PRSS22: variants seen among roughly 807,000 people sequenced by gnomAD.
PRSS22 encodes the protein serine protease 22.
Under a neutral mutation model 28.0 loss-of-function variants are expected in PRSS22, and 26 were observed. The ratio of observed to expected loss-of-function variants is 0.93; its 90% CI spans 0.68 to 1.29. The LOEUF (loss-of-function observed/expected upper bound fraction) is 1.29. Among genes scored for constraint, PRSS22 ranks in the 50% most tolerant of loss-of-function variants. The pLI, the probability that PRSS22 is intolerant of heterozygous loss-of-function variation, is 0.00. For missense variants in PRSS22, 444 were observed against 422.1 expected, an observed-to-expected ratio of 1.05 and a Z score of -0.46; for synonymous variants, 217 against 177.9, an observed-to-expected ratio of 1.22 and a Z score of -1.75.
In PRSS22 at chr16:2,856,168, C is replaced by T. The variant is rs2069454018; in HGVS notation, c.195G>A (p.Val65=). Residue 65 remains valine, a synonymous_variant, in exon 3 of 6, where the codon GTG becomes GTA. Coordinates refer to ENST00000161006, the MANE Select transcript of PRSS22 (RefSeq NM_022119.4). The part of the protein sequence containing the change: ...DSTDSEWPWI[V]SIQKNGTHHC... ...GGTGGGTCCCATTCTTCTGGATGCT[C>T]ACGATCCAGGGCCACTCGCTGTCAG... 3.1e-6 allele frequency: 5 copies of T among 1,613,924 alleles called. No individual in the cohort carries two copies. The highest frequency in any genetic ancestry group is 2.7e-5 in the African/African-American group (2 of 74,998).
chr16:2,853,787 G>A lies in PRSS22; in HGVS notation c.717+78C>T. ...GAGGAGGCCAGGGAGAGGTTGTGGG[G>A]CTCAGTGGGGACAGGACTGACGCTG... On this transcript the variant is annotated intron_variant, in intron 5 of 5. Transcript: ENST00000161006. This position sits in a 1 kb window ranked among gnomAD's most constrained non-coding sequence, Gnocchi z 4.6. 5 of 1,518,800 alleles carry A rather than the reference G, an allele frequency of 3.3e-6. No homozygotes were observed. Among genetic ancestry groups the A allele is most frequent in the Non-Finnish European group, 1.8e-6 (2 of 1,118,328 alleles). 94.1% of individuals were successfully genotyped at this position (1,518,800 alleles called of 1,614,324 possible).
In PRSS22 at chr16:2,856,832, G is replaced by A. The variant is rs1402576349; in HGVS notation, c.99C>T (p.Ala33=). The stretch of plus-strand genomic sequence containing the variant: ...GCCAGCTCCACTCACCAGGTATCCT[G>A]GCCGCATTGAGGATGGCTGAGGGCA... The part of the protein sequence containing the change: ...LLASTAILNA[A]RIPVPPACGK... Residue 33 remains alanine (A), a synonymous_variant, in exon 2 of 6, where the codon GCC becomes GCT. Transcript: ENST00000161006. 5.8e-6 allele frequency: 9 copies of A among 1,551,964 alleles called. No individual in the cohort carries two copies. Among genetic ancestry groups the A allele is most frequent in the Non-Finnish European group, 7.8e-6 (9 of 1,147,120 alleles).
In PRSS22 at chr16:2,856,742, C is replaced by A; in HGVS notation, c.109+80G>T. 2.0e-6 allele frequency: 3 copies of A among 1,506,280 alleles called. No individual in the cohort carries two copies. In the African/African-American group the frequency reaches 4.2e-5, roughly 21 times the overall value. 93.3% of individuals were successfully genotyped at this position (1,506,280 alleles called of 1,614,324 possible). On this transcript the variant is annotated intron_variant, in intron 2 of 5. Coordinates refer to ENST00000161006, the MANE Select transcript of PRSS22 (RefSeq NM_022119.4). ...CCCCAGCCCCTTTCTGACCTGTGCC[C>A]AGGGGACGGACACATAGACACTGCC...
Position 2,855,696 on chromosome 16 carries a change from C to A in PRSS22, c.437G>T (p.Arg146Leu). 1.9e-6 allele frequency: 3 copies of A among 1,614,222 alleles called. No individual in the cohort carries two copies. The highest frequency in any genetic ancestry group is 2.5e-6 in the Non-Finnish European group (3 of 1,180,052). Residue 146 changes from arginine (R) to leucine (L), a missense_variant, in exon 4 of 6, where the codon CGT becomes CTT. Transcript: ENST00000161006. ...TGAGAACTGTATGGAGCGCTCGAGACGCACCAGGGCAATGTCTGCACAGGC... is the reference window on the plus strand; with the variant it reads ...TGAGAACTGTATGGAGCGCTCGAGAAGCACCAGGGCAATGTCTGCACAGGC... ...EGACADIALVRLERSIQFSER... is the reference protein window; with the variant it reads ...EGACADIALVLLERSIQFSER...
chr16:2,856,457 C>A (rs1232672738), intron 2 of PRSS22, among the ~76,000 whole-genome samples: 2 of 152,038 alleles, frequency 1.3e-5, no homozygotes, highest in Non-Finnish European at 2.9e-5. Context: ...TCCACCCATA[C>A]CCCAAGCTCC....
chr16:2,853,314 G>C lies in PRSS22; in HGVS notation c.733C>G (p.Pro245Ala). Residue 245 changes from proline (P) to alanine (A), a missense_variant, in exon 6 of 6, where the codon CCC becomes GCC. Pro to Ala is a conservative substitution (Grantham distance 27). Coordinates refer to ENST00000161006, the MANE Select transcript of PRSS22 (RefSeq NM_022119.4). This position sits in a 1 kb window ranked among gnomAD's most constrained non-coding sequence, Gnocchi z 4.6. ...GCGCCGTCCACCTGGCACATGAGGGGGCCCCCGGAGTCGCCCTGCAGAGAG... is the reference window on the plus strand; with the variant it reads ...GCGCCGTCCACCTGGCACATGAGGGCGCCCCCGGAGTCGCCCTGCAGAGAG... ...RDACLGDSGG[P>A]LMCQVDGAWL... The C allele has an allele frequency of 6.3e-7, 1 of 1,597,194 alleles. No homozygotes were observed.
chr16:2,855,634 T>G lies in PRSS22; in HGVS notation c.499A>C (p.Ile167Leu). 1 of 1,614,016 alleles carries G rather than the reference T, an allele frequency of 6.2e-7. No homozygotes were observed. Residue 167 changes from isoleucine (I) to leucine (L), a missense_variant, in exon 4 of 6, where the codon ATC (isoleucine) becomes CTC (leucine). Coordinates refer to ENST00000161006, the MANE Select transcript of PRSS22 (RefSeq NM_022119.4). ...CAGTGGGTGTTTGGAGGGAGGTGGA[T>G]AGAGGCATCAGGTAGGCAGATGGGC... ...VLPICLPDAS[I>L]HLPPNTHCWI...
In PRSS22 at chr16:2,853,398, T is replaced by C. The variant is rs1378781839; in HGVS notation, c.718-69A>G. ...GTGGCAGAATCCAGGGCCCGTGCCC[T>C]GTCAGGGGGCAGATGAGCCCCTTCC... On this transcript the variant is annotated intron_variant, in intron 5 of 5. Coordinates refer to ENST00000161006, the MANE Select transcript of PRSS22 (RefSeq NM_022119.4). The surrounding 1 kb of genome is among the most constrained non-coding windows in gnomAD (Gnocchi z 4.6). The C allele has an allele frequency of 1.1e-4, 146 of 1,316,436 alleles. No homozygotes were observed. Among genetic ancestry groups the C allele is most frequent in the Non-Finnish European group, 1.5e-4 (141 of 951,974 alleles). The allele number at this position is 1,316,436 out of a possible 1,614,324, so 81.5% of individuals were successfully genotyped here. A position where few individuals can be genotyped will look rare whatever the true frequency, so the allele number is the denominator to read the frequency against.
rs33950878 is a variant in PRSS22, at chr16:2,855,347, C to CAAAAAA, written c.559+221_559+226dup. ...TGGGTGACAGAGTAACACCCTGTCT[C>CAAAAAA]AAAAAAAAAAAAAAAAAAAAGAAGA... On this transcript the variant is annotated intron_variant, in intron 4 of 5. Coordinates refer to ENST00000161006, the MANE Select transcript of PRSS22 (RefSeq NM_022119.4). 1.6e-3 allele frequency among the ~76,000 whole-genome samples: 112 copies of CAAAAAA among 69,006 alleles called. 4 individuals carry two copies. Among genetic ancestry groups the CAAAAAA allele is most frequent in the African/African-American group, 6.3e-3 (99 of 15,822 alleles). 45.3% of individuals were successfully genotyped at this position (69,006 alleles called of 152,430 possible).
rs2069414596 is a variant in PRSS22 at position 2,852,750 on chromosome 16, G to C, written c.*343C>G. On this transcript the variant is annotated 3_prime_UTR_variant, in exon 6 of 6. Transcript: ENST00000161006. ...GACACTGGAGAATAAATAATTTATT[G>C]AAATTGGAGGAATAAATAAGATATG... is the stretch of plus-strand genomic sequence containing the variant. 1 of 281,440 alleles carries C rather than the reference G, an allele frequency of 3.6e-6. No individual in the cohort carries two copies. Among genetic ancestry groups the C allele is most frequent in the Admixed American group, 5.2e-5 (1 of 19,392 alleles). 17.4% of individuals were successfully genotyped at this position (281,440 alleles called of 1,614,324 possible).
At position 2,858,157 on chromosome 16, in the gene PRSS22, G is replaced by C. The variant is rs2069481412; in HGVS notation, c.-53C>G. 8.0e-7 allele frequency: 1 copy of C among 1,246,098 alleles called. No individual in the cohort carries two copies. The highest frequency in any genetic ancestry group is 4.2e-5 in the Admixed American group (1 of 24,076). 77.2% of individuals were successfully genotyped at this position (1,246,098 alleles called of 1,614,324 possible). A position where few individuals can be genotyped will look rare whatever the true frequency, so the allele number is the denominator to read the frequency against. ...AGGCTCGAGAGACCCAGGGCGATGC[G>C]GGTCAGGGTGTGTAGGTTCCCTGCA... On this transcript the variant is annotated 5_prime_UTR_variant, in exon 1 of 6. Coordinates refer to ENST00000161006, the MANE Select transcript of PRSS22 (RefSeq NM_022119.4).
At chr16:2,855,270 C>T (rs1195896208) in intron 4 of PRSS22, among the ~76,000 whole-genome samples, 2 of 143,636 alleles carry the variant, frequency 1.4e-5, no homozygotes, top group Non-Finnish European at 3.0e-5. Flanking sequence ...ATCACTTGAG[C>T]CTGGGAGGCA....
rs373862640 is a variant in PRSS22, at chr16:2,852,757, G to A, written c.*336C>T. ...GAGAATAAATAATTTATTGAAATTG[G>A]AGGAATAAATAAGATATGTGGGCAG... On this transcript the variant is annotated 3_prime_UTR_variant, in exon 6 of 6. Transcript: ENST00000161006. The A allele has an allele frequency of 8.9e-5, 27 of 303,168 alleles. No homozygotes were observed. The East Asian group carries it at 1.5e-3, about 17-fold the overall frequency. The allele number at this position is 303,168 out of a possible 1,614,324, so 18.8% of individuals were successfully genotyped here.
Position 2,853,967 on chromosome 16 carries a change from C to T in PRSS22, c.615G>A (p.Ser205=). 1.2e-6 allele frequency: 2 copies of T among 1,614,172 alleles called. No homozygotes were observed. Among genetic ancestry groups the T allele is most frequent in the Non-Finnish European group, 8.5e-7 (1 of 1,180,030 alleles). Residue 205 remains serine, a synonymous_variant, in exon 5 of 6, where the codon TCG becomes TCA. Transcript: ENST00000161006. This position sits in a 1 kb window ranked among gnomAD's most constrained non-coding sequence, Gnocchi z 4.6. ...GCCAGTACAGATGGCTGCAGACTTCCGAGTCGATGATAGGAACCTTCAGCT... is the reference window on the plus strand; with the variant it reads ...GCCAGTACAGATGGCTGCAGACTTCTGAGTCGATGATAGGAACCTTCAGCT... ...LQKLKVPIID[S]EVCSHLYWRG...
At position 2,853,003 on chromosome 16, in the gene PRSS22, G is replaced by T; in HGVS notation, c.*90C>A. On this transcript the variant is annotated 3_prime_UTR_variant, in exon 6 of 6. Coordinates refer to ENST00000161006, the MANE Select transcript of PRSS22 (RefSeq NM_022119.4). The surrounding 1 kb of genome is among the most constrained non-coding windows in gnomAD (Gnocchi z 4.6). ...GTAGAGGTAGATGAGCCTATTTACG[G>T]CGGGGGAAACCGCCCGAGGCCGCCG... 1.2e-6 allele frequency: 1 copy of T among 868,150 alleles called. No individual in the cohort carries two copies. The highest frequency in any genetic ancestry group is 1.7e-6 in the Non-Finnish European group (1 of 588,402). 53.8% of individuals were successfully genotyped at this position (868,150 alleles called of 1,614,324 possible).
At chr16:2,854,051 T>TG in intron 4 of PRSS22, 29 bp from the exon 5 acceptor site, 1 of 1,613,542 alleles carries the variant, frequency 6.2e-7, no homozygotes, top group Non-Finnish European at 8.5e-7. Context: ...GAATCAGGTT[T>TG]GGGGGTCTCC....
intron 2 of PRSS22, 117 bp downstream of exon 2, chr16:2,856,705 T>C: frequency 8.1e-7 from 1 of 1,233,322 alleles, no homozygotes; most frequent in African/African-American, 1.5e-5. Context: ...CTCTAGCTCT[T>C]TCCCCCTCTC....
intron 4 of PRSS22, among the ~76,000 whole-genome samples, chr16:2,854,788 AGAT>A (rs755014380): frequency 6.6e-6 from 1 of 151,894 alleles, no homozygotes; most frequent in Non-Finnish European, 1.5e-5. Flanking sequence ...TTGAGTTTTG[AGAT>A]GATGTTTTCC....
At position 2,853,025 on chromosome 16, in the gene PRSS22, G is replaced by A. The variant is rs1374475737; in HGVS notation, c.*68C>T. ...ACGGCGGGGGAAACCGCCCGAGGCC[G>A]CCGCAGATCCAGATCCAGATGTGGA... On this transcript the variant is annotated 3_prime_UTR_variant, in exon 6 of 6. Coordinates refer to ENST00000161006, the MANE Select transcript of PRSS22 (RefSeq NM_022119.4). This position sits in a 1 kb window ranked among gnomAD's most constrained non-coding sequence, Gnocchi z 4.6. 5 of 1,098,154 alleles carry A rather than the reference G, an allele frequency of 4.6e-6. No individual in the cohort carries two copies. The African/African-American group carries it at 8.1e-5, about 18-fold the overall frequency. 68.0% of individuals were successfully genotyped at this position (1,098,154 alleles called of 1,614,324 possible). A position where few individuals can be genotyped will look rare whatever the true frequency, so the allele number is the denominator to read the frequency against.
Sources: allele counts gnomAD v4.1 joint callset (sites outside exome capture counted in the v4.1 genomes callset), GRCh38; gene constraint gnomAD v4.1.1; non-coding constraint Gnocchi (gnomAD v3.1); transcripts MANE v1.5; gene names NCBI Gene and HGNC (gene_info 2026-07-23, HGNC 2026-07-21).